Variants in AJAP1 observed in about 807,000 individuals in gnomAD.
AJAP1 encodes the protein adherens junction-associated protein 1.
In AJAP1, 5 loss-of-function variants were observed where a neutral mutation model predicts 35.0. The ratio of observed to expected loss-of-function variants is 0.14; its 90% CI spans 0.07 to 0.30. The LOEUF is 0.30. Among genes scored for constraint, AJAP1 ranks in the 10% least tolerant of loss-of-function variants. The probability of loss-of-function intolerance (pLI) is 1.00; values close to 1 mark genes in which losing one functional copy is unlikely to be tolerated. For missense variants in AJAP1, 586 were observed against 571.0 expected (o/e 1.03, Z -0.27); for synonymous variants, 284 against 249.3 (o/e 1.14, Z -1.31).
At chr1:4,719,404 G>T (rs1640467885) in intron 2 of AJAP1, among the ~76,000 whole-genome samples, 1 of 152,206 alleles carries the variant, frequency 6.6e-6, no homozygotes, top group South Asian at 2.1e-4. Flanking sequence ...GGTAAGGATG[G>T]TAGAGGAAAT....
Position 4,783,429 on chromosome 1 carries a change from T to C in AJAP1, c.*944T>C, listed in dbSNP as rs1642103343. On this transcript the variant is annotated 3_prime_UTR_variant, in exon 6 of 6. Transcript: ENST00000378191. The stretch of plus-strand genomic sequence containing the variant: ...GGCATCAAATGTGTGACTTACTATC[T>C]TGGGCCAGAACTAAGAATGCCAAGG... 6.8e-6 allele frequency: 1 copy of C among 146,522 alleles called. No homozygotes were observed. Among genetic ancestry groups the C allele is most frequent in the Non-Finnish European group, 1.5e-5 (1 of 67,002 alleles). 9.1% of individuals were successfully genotyped at this position (146,522 alleles called of 1,614,324 possible).
At chr1:4,672,132 G>A (rs1570095316) in intron 1 of AJAP1, among the ~76,000 whole-genome samples, 1 of 152,280 alleles carries the variant, frequency 6.6e-6, no homozygotes, top group East Asian at 1.9e-4. Context: ...TTATTATCTG[G>A]GATTGTTGTG....
At chr1:4,743,818 T>C (rs1315000320) in intron 2 of AJAP1, among the ~76,000 whole-genome samples, 1 of 152,058 alleles carries the variant, frequency 6.6e-6, no homozygotes, top group Non-Finnish European at 1.5e-5. Context: ...TCAGAATCAA[T>C]TGGGGAATAA....
At chr1:4,679,811 GTGTGTGT>G (rs1557605852) in intron 1 of AJAP1, among the ~76,000 whole-genome samples, 653 of 57,346 alleles carry the variant, frequency 0.011, 4 homozygotes, top group African/African-American at 0.039. Context: ...CCAATAGGGT[GTGTGTGT>G]GTGTGTGTGT....
chr1:4,667,246 G>A (rs1004435592), intron 1 of AJAP1, among the ~76,000 whole-genome samples: 1 of 152,112 alleles, frequency 6.6e-6, no homozygotes, highest in East Asian at 1.9e-4. Flanking sequence ...GAATTAGTCT[G>A]AGGGAAAATG....
At chr1:4,756,809 T>C (rs1641442205) in intron 2 of AJAP1, among the ~76,000 whole-genome samples, 1 of 152,116 alleles carries the variant, frequency 6.6e-6, no homozygotes, top group Non-Finnish European at 1.5e-5. Context: ...TACAAAGAAT[T>C]CCCACCTTGA....
In AJAP1 at chr1:4,693,276, CCGTGGTCAGGGGA is replaced by C. The variant is rs1402841938; in HGVS notation, c.30-18620_30-18608del. On this transcript the variant is annotated intron_variant, in intron 1 of 5. Coordinates refer to ENST00000378191, the MANE Select transcript of AJAP1 (RefSeq NM_018836.4). The surrounding 1 kb of genome is among the most constrained non-coding windows in gnomAD (Gnocchi z 4.4). The stretch of plus-strand genomic sequence containing the variant: ...CCACTCAACTGAGGGGAGAAGCAGC[CCGTGGTCAGGGGA>C]CGTCAGGGGCATGTGCTGATGGAGA... Among the ~76,000 whole-genome samples, 1 of 151,480 alleles carries C rather than the reference CCGTGGTCAGGGGA, an allele frequency of 6.6e-6. No individual in the cohort carries two copies. The highest frequency in any genetic ancestry group is 1.5e-5 in the Non-Finnish European group (1 of 67,688).
intron 2 of AJAP1, among the ~76,000 whole-genome samples, chr1:4,716,124 A>G (rs1640383781): frequency 1.3e-5 from 2 of 152,236 alleles, no homozygotes; most frequent in Non-Finnish European, 2.9e-5. Flanking sequence ...GCAGAGAGGA[A>G]ACGTGGCTGG....
chr1:4,746,565 G>T (rs1472054333), intron 2 of AJAP1, among the ~76,000 whole-genome samples: 2 of 152,166 alleles, frequency 1.3e-5, no homozygotes, highest in Non-Finnish European at 2.9e-5. Context: ...CAGCATCTGT[G>T]CAGGGACCAC....
At chr1:4,743,266 C>T (rs1422246627) in intron 2 of AJAP1, among the ~76,000 whole-genome samples, 1 of 152,148 alleles carries the variant, frequency 6.6e-6, no homozygotes, top group South Asian at 2.1e-4. Flanking sequence ...GGAAATAGAA[C>T]AAGAGACAGA....
chr1:4,749,393 C>T (rs1432817893), intron 2 of AJAP1, among the ~76,000 whole-genome samples: 2 of 152,214 alleles, frequency 1.3e-5, no homozygotes, highest in East Asian at 3.9e-4. Flanking sequence ...CTTCCACTGA[C>T]CCTGTCACCC....
rs1444681864 is a variant in AJAP1, at chr1:4,655,970, C to T, written c.29+516C>T. ...CCTTTCTCGGGGCCCCGGGGCTGAG[C>T]AGGGGCCTCCCAGGCTCCCAGCTGC... On this transcript the variant is annotated intron_variant, in intron 1 of 5. Coordinates refer to ENST00000378191, the MANE Select transcript of AJAP1 (RefSeq NM_018836.4). This position sits in a 1 kb window ranked among gnomAD's most constrained non-coding sequence, Gnocchi z 6.9. Among the ~76,000 whole-genome samples the T allele has an allele frequency of 6.6e-6, 1 of 152,042 alleles. No individual in the cohort carries two copies. Among genetic ancestry groups the T allele is most frequent in the East Asian group, 1.9e-4 (1 of 5,138 alleles).
At chr1:4,702,550 T>C (rs1640011930) in intron 1 of AJAP1, among the ~76,000 whole-genome samples, 1 of 152,160 alleles carries the variant, frequency 6.6e-6, no homozygotes, top group South Asian at 2.1e-4. Context: ...GTCCCAGGCA[T>C]TATCAGCTTA....
At chr1:4,700,526 T>G (rs1392708496) in intron 1 of AJAP1, among the ~76,000 whole-genome samples, 1 of 152,108 alleles carries the variant, frequency 6.6e-6, no homozygotes, top group East Asian at 1.9e-4. Context: ...CTGAGCCACT[T>G]CCCTTTGAGC....
chr1:4,696,568 C>A (rs1410540762), intron 1 of AJAP1, among the ~76,000 whole-genome samples: 1 of 152,248 alleles, frequency 6.6e-6, no homozygotes, highest in Non-Finnish European at 1.5e-5. Context: ...CACTTGGGAA[C>A]CCAGGGAGAC....
intron 2 of AJAP1, among the ~76,000 whole-genome samples, chr1:4,754,813 C>T (rs1178444338): frequency 1.3e-5 from 2 of 152,204 alleles, no homozygotes; most frequent in African/African-American, 4.8e-5. Context: ...AGCGAGCGAG[C>T]CTCCCTTGTG....
chr1:4,792,403 T>C lies in AJAP1; in HGVS notation c.*9918T>C, dbSNP rs1642260545. The C allele has an allele frequency of 6.6e-6, 1 of 151,864 alleles. No individual in the cohort carries two copies. Among genetic ancestry groups the C allele is most frequent in the African/African-American group, 2.4e-5 (1 of 41,362 alleles). The allele number at this position is 151,864 out of a possible 1,614,324, so 9.4% of individuals were successfully genotyped here. A position where few individuals can be genotyped will look rare whatever the true frequency, so the allele number is the denominator to read the frequency against. On this transcript the variant is annotated 3_prime_UTR_variant, in exon 6 of 6. Coordinates refer to ENST00000378191, the MANE Select transcript of AJAP1 (RefSeq NM_018836.4). Reference sequence around the variant, plus strand: ...AACTTTTATTCCAGATTTTTTTAAGTTGTTTCTGTATTTCAAAGCTATGTA... The same window carrying C: ...AACTTTTATTCCAGATTTTTTTAAGCTGTTTCTGTATTTCAAAGCTATGTA...
chr1:4,755,260 T>A (rs950024284), intron 2 of AJAP1, among the ~76,000 whole-genome samples: 2 of 152,250 alleles, frequency 1.3e-5, no homozygotes, highest in African/African-American at 4.8e-5. Context: ...TTAACAATAT[T>A]CTGCAGCAGG....
rs751461810 is a variant in AJAP1 at position 4,774,408 on chromosome 1, A to G, written c.1164-19A>G. Reference sequence around the variant, plus strand: ...GTCAAGTACCAGCACGCCAAAGCCCATTTTTCTGTTCACCGCAGACCCTCC... The same window carrying G: ...GTCAAGTACCAGCACGCCAAAGCCCGTTTTTCTGTTCACCGCAGACCCTCC... On this transcript the variant is annotated intron_variant, in intron 4 of 5. Transcript: ENST00000378191. The G allele has an allele frequency of 1.2e-6, 2 of 1,613,524 alleles. No homozygotes were observed. The highest frequency in any genetic ancestry group is 3.3e-5 in the Admixed American group (2 of 60,012).
Sources: gnomAD v4.1 joint callset for allele counts (sites outside exome capture counted in the v4.1 genomes callset) on GRCh38, gnomAD v4.1.1 for gene constraint, Gnocchi (gnomAD v3.1) non-coding constraint, MANE v1.5 for transcripts, NCBI Gene and HGNC (gene_info 2026-07-23, HGNC 2026-07-21) for gene names.